Variants in CPNE4 observed in about 807,000 individuals in gnomAD.
CPNE4 encodes the protein copine-4.
In CPNE4, 25 loss-of-function variants were observed where a neutral mutation model predicts 67.9. The observed-to-expected ratio is 0.37, with a 90% CI of 0.27 to 0.51. CPNE4 has a LOEUF of 0.51. Among genes scored for constraint, CPNE4 ranks in the 20% least tolerant of loss-of-function variants. The pLI, the probability that CPNE4 is intolerant of heterozygous loss-of-function variation, is 0.93. For synonymous variants in CPNE4, 242 were observed against 244.9 expected (o/e 0.99, Z 0.11); for missense variants, 464 against 690.8 (o/e 0.67, Z 3.68).
chr3:131,728,793 C>A (rs376424378), intron 2 of CPNE4, among the ~76,000 whole-genome samples: 2 of 151,388 alleles, frequency 1.3e-5, no homozygotes, highest in African/African-American at 4.9e-5. Flanking sequence ...GCCTGTAGTC[C>A]CAGCTACTCG....
rs1235194942 is a variant in CPNE4 at position 131,801,403 on chromosome 3, G to A, written c.181-77778C>T. Reference sequence around the variant, plus strand: ...TATATATATGGTACATATATATATAGGTACATATATACGTGTGTGTGTGTG... The same window carrying A: ...TATATATATGGTACATATATATATAAGTACATATATACGTGTGTGTGTGTG... On this transcript the variant is annotated intron_variant, in intron 2 of 15. Transcript: ENST00000429747. Among the ~76,000 whole-genome samples the A allele has an allele frequency of 2.4e-4, 10 of 41,570 alleles. 1 individual carries two copies. The highest frequency in any genetic ancestry group is 8.1e-4 in the South Asian group (1 of 1,242). The allele number at this position is 41,570 out of a possible 152,430, so 27.3% of individuals were successfully genotyped here.
chr3:131,780,086 A>G (rs957604127), intron 2 of CPNE4, among the ~76,000 whole-genome samples: 2 of 152,190 alleles, frequency 1.3e-5, no homozygotes, highest in African/African-American at 4.8e-5. Context: ...AAAATGCTCA[A>G]TATCACTAAT....
intron 5 of CPNE4, 75 bp from the exon 6 acceptor site, chr3:131,686,033 A>T: frequency 1.2e-6 from 1 of 811,044 alleles, no homozygotes; most frequent in Non-Finnish European, 2.0e-6. Context: ...GGAATATTTA[A>T]TCAACAGGAA....
rs547904472 is a variant in CPNE4 at position 131,676,920 on chromosome 3, G to A, written c.592-7156C>T. On this transcript the variant is annotated intron_variant, in intron 6 of 15. Coordinates refer to ENST00000429747, the MANE Select transcript of CPNE4 (RefSeq NM_130808.3). Reference sequence around the variant, plus strand: ...CAGTAATGAGATTATTGGGTTGAATGATAGTTCTGTCTCGAGGTTTTTGAG... The same window carrying A: ...CAGTAATGAGATTATTGGGTTGAATAATAGTTCTGTCTCGAGGTTTTTGAG... 2.6e-5 allele frequency among the ~76,000 whole-genome samples: 4 copies of A among 152,226 alleles called. No homozygotes were observed. The East Asian group carries it at 7.7e-4, about 29-fold the overall frequency.
intron 4 of CPNE4, among the ~76,000 whole-genome samples, chr3:131,698,542 T>G (rs2107700338): frequency 6.6e-6 from 1 of 150,594 alleles, no homozygotes; most frequent in Non-Finnish European, 1.5e-5. Context: ...AGCAACAAAC[T>G]CAGGTAAGTT....
At chr3:131,599,523 C>T (rs745655117) in intron 7 of CPNE4, among the ~76,000 whole-genome samples, 8 of 152,262 alleles carry the variant, frequency 5.3e-5, no homozygotes, top group East Asian at 1.9e-4. Context: ...ACTCTTCCTA[C>T]CAGAGGGTAG....
chr3:132,033,433 GGA>G (rs2074282288), intron 1 of CPNE4, among the ~76,000 whole-genome samples: 1 of 150,808 alleles, frequency 6.6e-6, no homozygotes, highest in Non-Finnish European at 1.5e-5. Flanking sequence ...GTGTGTAGAG[GGA>G]GAGGTTCTCA....
intron 7 of CPNE4, among the ~76,000 whole-genome samples, chr3:131,644,012 T>C (rs937337640): frequency 6.6e-6 from 1 of 152,194 alleles, no homozygotes; most frequent in Non-Finnish European, 1.5e-5. Context: ...ACAGTGCCCA[T>C]TTAATAGCCT....
intron 7 of CPNE4, among the ~76,000 whole-genome samples, chr3:131,609,632 T>A (rs1322508737): frequency 6.6e-6 from 1 of 152,192 alleles, no homozygotes. Flanking sequence ...GAATTTAGTT[T>A]TTAAAAAATA....
At position 131,572,979 on chromosome 3, in the gene CPNE4, G is replaced by A. The variant is rs59929658; in HGVS notation, c.927+2092C>T. Among the ~76,000 whole-genome samples, 1,424 of 152,086 alleles carry A rather than the reference G, an allele frequency of 9.4e-3. 19 individuals carry two copies. Among genetic ancestry groups the A allele is most frequent in the East Asian group, 0.054 (276 of 5,138 alleles). On this transcript the variant is annotated intron_variant, in intron 10 of 15. Coordinates refer to ENST00000429747, the MANE Select transcript of CPNE4 (RefSeq NM_130808.3). ...ATAAGACACGATACTTTTTCTTAAC[G>A]ATTTGCATTACAGCTTATAATTTAA... is the stretch of plus-strand genomic sequence containing the variant.
chr3:131,946,116 G>C (rs1158772199), intron 1 of CPNE4, among the ~76,000 whole-genome samples: 2 of 152,144 alleles, frequency 1.3e-5, no homozygotes, highest in Non-Finnish European at 2.9e-5. Flanking sequence ...CCTCTATCTA[G>C]TTCCAAAGCA....
At chr3:131,822,208 C>T (rs1218712411) in intron 2 of CPNE4, among the ~76,000 whole-genome samples, 3 of 152,042 alleles carry the variant, frequency 2.0e-5, no homozygotes, top group Non-Finnish European at 4.4e-5. Context: ...AGTTTTAAAT[C>T]TTCAGCCTAC....
chr3:131,849,652 G>A (rs2086157969), intron 2 of CPNE4, among the ~76,000 whole-genome samples: 2 of 152,108 alleles, frequency 1.3e-5, no homozygotes, highest in Admixed American at 6.6e-5. Flanking sequence ...TCAATTCTGA[G>A]CCCAAGCCTT....
At chr3:131,937,321 C>A (rs143250056) in intron 1 of CPNE4, among the ~76,000 whole-genome samples, 1 of 152,134 alleles carries the variant, frequency 6.6e-6, no homozygotes, top group African/African-American at 2.4e-5. Flanking sequence ...GACTTGCATC[C>A]GATTTTTCTA....
upstream of CPNE4, among the ~76,000 whole-genome samples, chr3:132,037,401 C>T (rs1361306024): frequency 2.0e-5 from 3 of 152,142 alleles, no homozygotes; most frequent in African/African-American, 4.8e-5. Context: ...TTTACTTCCA[C>T]CTCTTATATG....
intron 7 of CPNE4, among the ~76,000 whole-genome samples, chr3:131,620,080 G>C (rs1940381173): frequency 6.6e-6 from 1 of 152,128 alleles, no homozygotes; most frequent in Non-Finnish European, 1.5e-5. Context: ...GGCTCTCTCG[G>C]GTGTGAGCAT....
intron 1 of CPNE4, among the ~76,000 whole-genome samples, chr3:131,922,202 T>G (rs964201023): frequency 6.6e-6 from 1 of 152,174 alleles, no homozygotes; most frequent in Non-Finnish European, 1.5e-5. Flanking sequence ...ATTAATTCAC[T>G]CAGGATAATG....
intron 7 of CPNE4, among the ~76,000 whole-genome samples, chr3:131,655,165 T>G (rs972957798): frequency 1.3e-5 from 2 of 152,252 alleles, no homozygotes; most frequent in African/African-American, 4.8e-5. Context: ...TGAATCATGC[T>G]TTACGCATGA....
intron 2 of CPNE4, among the ~76,000 whole-genome samples, chr3:131,757,683 G>A (rs1212626249): frequency 6.6e-6 from 1 of 152,176 alleles, no homozygotes; most frequent in African/African-American, 2.4e-5. Context: ...TGGGGAAAAT[G>A]TCTCCAGGCC....
Sources: gnomAD v4.1 joint callset for allele counts (sites outside exome capture counted in the v4.1 genomes callset) on GRCh38, gnomAD v4.1.1 for gene constraint, MANE v1.5 for transcripts, NCBI Gene and HGNC (gene_info 2026-07-23, HGNC 2026-07-21) for gene names.